The following AKAP13 variants were observed in gnomAD, a reference collection of about 807,000 sequenced individuals.
The protein encoded by AKAP13 is A-kinase anchoring protein 13, also known as A-kinase anchor protein 13.
A neutral mutation model predicts 264.5 loss-of-function variants in AKAP13; 80 were observed. The observed-to-expected ratio is 0.30, with a 90% CI of 0.25 to 0.36. The LOEUF is 0.36. Among genes scored for constraint, AKAP13 ranks in the 10% least tolerant of loss-of-function variants. The pLI is 1.00. For synonymous variants in AKAP13, 1,380 were observed against 1,250.2 expected (o/e 1.10, Z -2.19); for missense variants, 3,712 against 3,435.2 (o/e 1.08, Z -2.01).
chr15:85,381,486 CTTT>C lies in AKAP13; in HGVS notation c.-12+702_-12+704del, dbSNP rs553047572. On this transcript the variant is annotated intron_variant, in intron 1 of 36. Transcript: ENST00000394518. The stretch of plus-strand genomic sequence containing the variant: ...AGCTATACTTTGATACCAAACAAAA[CTTT>C]TTTTTTTTTTTTTGGTAAATACGGT... 2.4e-4 allele frequency among the ~76,000 whole-genome samples: 20 copies of C among 84,520 alleles called. No individual in the cohort carries two copies. The East Asian group carries it at 7.0e-3, about 30-fold the overall frequency. 55.4% of individuals were successfully genotyped at this position (84,520 alleles called of 152,430 possible).
chr15:85,698,433 C>A (rs2085690275), intron 17 of AKAP13, among the ~76,000 whole-genome samples: 1 of 140,600 alleles, frequency 7.1e-6, no homozygotes, highest in Non-Finnish European at 1.5e-5. Flanking sequence ...CCACTACACT[C>A]CAGTCTGGGT....
intron 14 of AKAP13, chr15:85,670,965 TA>T (rs1368986736): frequency 3.3e-5 from 5 of 152,102 alleles, no homozygotes; most frequent in African/African-American, 1.2e-4. Context: ...CCTCATTTTT[TA>T]TTTTTTAAAT....
In AKAP13 at chr15:85,579,408, A is replaced by T; in HGVS notation, c.1340A>T (p.Gln447Leu). The T allele has an allele frequency of 1.2e-6, 2 of 1,614,186 alleles. No individual in the cohort carries two copies. The highest frequency in any genetic ancestry group is 1.6e-4 in the Middle Eastern group (1 of 6,062). ...CTGAGCAGTGGAGATGCTGTGCTTC[A>T]GAGAGACTTGGTCATGGAGCCAGGC... Reference protein sequence around the residue: ...ESLSSGDAVLQRDLVMEPGTA... With the variant: ...ESLSSGDAVLLRDLVMEPGTA... Residue 447 changes from glutamine (Q) to leucine (L), a missense_variant, in exon 7 of 37, where the codon CAG (glutamine) becomes CTG (leucine). Transcript: ENST00000394518.
chr15:85,396,341 A>G (rs2071110245), intron 1 of AKAP13, among the ~76,000 whole-genome samples: 2 of 152,300 alleles, frequency 1.3e-5, no homozygotes, highest in South Asian at 2.1e-4. Flanking sequence ...TGGCATATGG[A>G]TGGTTGACCT....
intron 8 of AKAP13, among the ~76,000 whole-genome samples, chr15:85,631,502 T>TCTCACACA (rs1372440393): frequency 2.6e-4 from 36 of 141,058 alleles, no homozygotes; most frequent in South Asian, 7.0e-4. Context: ...TCTCTCTCTC[T>TCTCACACA]CACACACACA....
rs2087471190 is a variant in AKAP13, at chr15:85,724,271, A to G, written c.6745+951A>G. 6.6e-6 allele frequency among the ~76,000 whole-genome samples: 1 copy of G among 152,220 alleles called. No individual in the cohort carries two copies. The highest frequency in any genetic ancestry group is 1.5e-5 in the Non-Finnish European group (1 of 68,044). On this transcript the variant is annotated intron_variant, in intron 26 of 36. Transcript: ENST00000394518. This position sits in a 1 kb window ranked among gnomAD's most constrained non-coding sequence, Gnocchi z 4.2. ...AGGCAGTCAGCTGGTTTCAACAATG[A>G]ATAAAGCAGGACACCCTGCTTAGAA...
intron 1 of AKAP13, among the ~76,000 whole-genome samples, chr15:85,398,605 G>T (rs1160835218): frequency 2.0e-5 from 3 of 152,170 alleles, no homozygotes; most frequent in Admixed American, 6.5e-5. Flanking sequence ...GCCCAGGCCA[G>T]AGTGCAGTGG....
chr15:85,575,631 G>A (rs2078981700), intron 6 of AKAP13, among the ~76,000 whole-genome samples: 1 of 152,074 alleles, frequency 6.6e-6, no homozygotes, highest in South Asian at 2.1e-4. Flanking sequence ...GGCGGAGCTT[G>A]CAGTGAGCCG....
In AKAP13 at chr15:85,575,342, G is replaced by A. The variant is rs182313017; in HGVS notation, c.861+13G>A. 10 of 1,612,934 alleles carry A rather than the reference G, an allele frequency of 6.2e-6. No homozygotes were observed. In the East Asian group the frequency reaches 1.3e-4, roughly 22 times the overall value. On this transcript the variant is annotated intron_variant, in intron 6 of 36. Transcript: ENST00000394518. ...ACAGCAACTAATGGTAAGTCAGAAAGCTTTTATTTTTAAGTATATGCATGT... is the reference window on the plus strand; with the variant it reads ...ACAGCAACTAATGGTAAGTCAGAAAACTTTTATTTTTAAGTATATGCATGT...
chr15:85,504,063 G>T (rs1216464492), intron 2 of AKAP13, among the ~76,000 whole-genome samples: 1 of 152,124 alleles, frequency 6.6e-6, no homozygotes, highest in Non-Finnish European at 1.5e-5. Flanking sequence ...CCCAGTGTGT[G>T]GAGGCCAGCT....
intron 1 of AKAP13, among the ~76,000 whole-genome samples, chr15:85,464,599 T>C (rs1436806313): frequency 6.6e-6 from 1 of 152,238 alleles, no homozygotes; most frequent in African/African-American, 2.4e-5. Context: ...AGAGGGAGGT[T>C]AGAACTGGTA....
chr15:85,662,212 A>G (rs563922487), intron 12 of AKAP13, among the ~76,000 whole-genome samples: 54 of 152,354 alleles, frequency 3.5e-4, no homozygotes, highest in African/African-American at 1.3e-3. Flanking sequence ...TTAAGTTTCT[A>G]TGATTTTTTA....
At position 85,446,355 on chromosome 15, in the gene AKAP13, G is replaced by A. The variant is rs184268098; in HGVS notation, c.-11-39355G>A. On this transcript the variant is annotated intron_variant, in intron 1 of 36. Transcript: ENST00000394518. ...AGGTAAACGAAATAGGATTTGTTGG[G>A]AGGCAATGTAGGCAGTGAAGGAGAA... 1.5e-4 allele frequency among the ~76,000 whole-genome samples: 23 copies of A among 152,326 alleles called. No individual in the cohort carries two copies. In the East Asian group the frequency reaches 3.5e-3, roughly 23 times the overall value.
intron 35 of AKAP13, among the ~76,000 whole-genome samples, chr15:85,742,223 G>C (rs1034109223): frequency 2.6e-5 from 4 of 152,196 alleles, no homozygotes; most frequent in Admixed American, 1.3e-4. Context: ...AGGAGTCTCA[G>C]TGTGTCTGAG....
intron 17 of AKAP13, among the ~76,000 whole-genome samples, chr15:85,698,172 A>G (rs191315870): frequency 3.9e-5 from 6 of 152,286 alleles, no homozygotes; most frequent in Non-Finnish European, 8.8e-5. Context: ...CTGATAATAA[A>G]GAGAGAATAT....
In AKAP13 at chr15:85,717,578, T is replaced by A. The variant is rs565835597; in HGVS notation, c.5848+176T>A. On this transcript the variant is annotated intron_variant, in intron 21 of 36. Transcript: ENST00000394518. Reference sequence around the variant, plus strand: ...TGTCATGACTGCGTAATCAGACTCATCCAGCAGCTGTCAAGTGAAGGATGT... The same window carrying A: ...TGTCATGACTGCGTAATCAGACTCAACCAGCAGCTGTCAAGTGAAGGATGT... 1.5e-3 allele frequency among the ~76,000 whole-genome samples: 231 copies of A among 152,336 alleles called. 1 individual carries two copies. Among genetic ancestry groups the A allele is most frequent in the Non-Finnish European group, 2.1e-3 (142 of 68,024 alleles).
At chr15:85,640,110 A>T (rs116306735) in intron 9 of AKAP13, among the ~76,000 whole-genome samples, 227 of 152,116 alleles carry the variant, frequency 1.5e-3, no homozygotes, top group African/African-American at 5.2e-3. Flanking sequence ...CCAGCCTCTA[A>T]CTCTGTGTGA....
At position 85,727,459 on chromosome 15, in the gene AKAP13, A is replaced by T. The variant is rs2087683701; in HGVS notation, c.7083A>T (p.Leu2361Phe). The T allele has an allele frequency of 1.9e-6, 3 of 1,613,972 alleles. No homozygotes were observed. The highest frequency in any genetic ancestry group is 2.5e-6 in the Non-Finnish European group (3 of 1,179,936). The change falls in exon 29 of 37, where the codon TTA (leucine) becomes TTT (phenylalanine). Residue 2361 changes from leucine (L) to phenylalanine (F), a missense_variant. Around this residue, in one of 3 missense-constraint regions of AKAP13, gnomAD observed 342 missense variants for 484.3 expected, o/e 0.71. Transcript: ENST00000394518. The surrounding 1 kb of genome is among the most constrained non-coding windows in gnomAD (Gnocchi z 5.3). ...TGTTGGACACCAGAGCCCGAGAATT[A>T]AAAGGTGAGGCATTGCGAGTGGTCT... ...KKMLDTRARE[L>F]KEQLHQKDQK...
At chr15:85,453,502 A>G (rs2074166468) in intron 1 of AKAP13, among the ~76,000 whole-genome samples, 1 of 152,142 alleles carries the variant, frequency 6.6e-6, no homozygotes, top group African/African-American at 2.4e-5. Context: ...CCCTCTGGGA[A>G]CTTTGTCCCA....
Sources: gnomAD v4.1 joint callset for allele counts (sites outside exome capture counted in the v4.1 genomes callset) on GRCh38, gnomAD v4.1.1 for gene constraint, gnomAD v4.1.1 regional missense constraint, Gnocchi (gnomAD v3.1) non-coding constraint, MANE v1.5 for transcripts, NCBI Gene and HGNC (gene_info 2026-07-23, HGNC 2026-07-21) for gene names.